The following GSK3B variants were observed in gnomAD, a reference collection of about 807,000 sequenced individuals.
The protein encoded by GSK3B is glycogen synthase kinase 3 beta, also known as glycogen synthase kinase-3 beta.
A neutral mutation model predicts 56.4 loss-of-function variants in GSK3B; 15 were observed. The observed-to-expected ratio is 0.27, with a 90% CI of 0.18 to 0.41. GSK3B has a LOEUF of 0.41. Ranked by LOEUF, GSK3B falls within the 10% of genes least tolerant of loss-of-function variation. GSK3B has a pLI of 1.00. For missense variants in GSK3B, 300 were observed against 513.4 expected, an observed-to-expected ratio of 0.58 and a Z score of 4.02; for synonymous variants, 181 against 188.9, an observed-to-expected ratio of 0.96 and a Z score of 0.34.
intron 10 of GSK3B, among the ~76,000 whole-genome samples, chr3:119,841,850 T>C (rs2055776390): frequency 6.6e-6 from 1 of 152,232 alleles, no homozygotes; most frequent in African/African-American, 2.4e-5. Flanking sequence ...TAGAATGAAA[T>C]GTTTTAAATC....
chr3:119,925,898 T>C (rs781417957), intron 3 of GSK3B, among the ~76,000 whole-genome samples: 2 of 152,164 alleles, frequency 1.3e-5, no homozygotes, highest in Non-Finnish European at 1.5e-5. Context: ...TTTTCAGTCA[T>C]CATGTTACCC....
At chr3:119,948,237 C>T (rs553115330) in intron 2 of GSK3B, among the ~76,000 whole-genome samples, 16 of 152,134 alleles carry the variant, frequency 1.1e-4, no homozygotes, top group African/African-American at 3.6e-4. Context: ...AAAGTATACA[C>T]CTGAGAATCT....
At chr3:119,878,980 C>A (rs548099295) in intron 7 of GSK3B, among the ~76,000 whole-genome samples, 1 of 152,142 alleles carries the variant, frequency 6.6e-6, no homozygotes, top group Non-Finnish European at 1.5e-5. Flanking sequence ...CTTGGTTTCA[C>A]GGGTGTAAGC....
At chr3:120,091,205 T>C (rs1051777104) in intron 1 of GSK3B, among the ~76,000 whole-genome samples, 4 of 152,212 alleles carry the variant, frequency 2.6e-5, no homozygotes, top group Non-Finnish European at 5.9e-5. Context: ...AAGGATAAGC[T>C]TTTGAGAGCA....
chr3:120,034,028 G>C (rs2058000784), intron 1 of GSK3B, among the ~76,000 whole-genome samples: 1 of 152,158 alleles, frequency 6.6e-6, no homozygotes, highest in Admixed American at 6.5e-5. Flanking sequence ...CCTTGTAGAA[G>C]TAGATATACA....
At chr3:119,910,466 C>T (rs2056724668) in intron 6 of GSK3B, among the ~76,000 whole-genome samples, 1 of 151,770 alleles carries the variant, frequency 6.6e-6, no homozygotes, top group Admixed American at 6.5e-5. Context: ...AACTTAAACA[C>T]ACTTTATTAC....
intron 2 of GSK3B, among the ~76,000 whole-genome samples, chr3:119,967,767 TTTTCTTTCTC>T (rs1002405897): frequency 6.8e-6 from 1 of 147,520 alleles, no homozygotes; most frequent in African/African-American, 2.5e-5. Flanking sequence ...CCTCCTTTTC[TTTTCTTTCTC>T]TTTCTTTTCT....
At position 119,823,881 on chromosome 3, in the gene GSK3B, G is replaced by A. The variant is rs114395791; in HGVS notation, c.*2907C>T. 667 of 198,214 alleles carry A rather than the reference G, an allele frequency of 3.4e-3. 1 individual carries two copies. Among genetic ancestry groups the A allele is most frequent in the African/African-American group, 0.014 (627 of 43,290 alleles). The allele number at this position is 198,214 out of a possible 1,614,324, so 12.3% of individuals were successfully genotyped here. ...GAAAGGGGGTGGACAGGGAGACATG[G>A]ATAAAGGAAACCAATTAAAATTTAA... is the stretch of plus-strand genomic sequence containing the variant. On this transcript the variant is annotated 3_prime_UTR_variant, in exon 11 of 11. Transcript: ENST00000264235.
At chr3:119,869,878 C>A (rs115989599) in intron 8 of GSK3B, among the ~76,000 whole-genome samples, 56 of 152,306 alleles carry the variant, frequency 3.7e-4, no homozygotes, top group African/African-American at 1.3e-3. Flanking sequence ...TAATTTCTCT[C>A]CCTCACATCA....
At chr3:120,057,288 T>TAG (rs2058199224) in intron 1 of GSK3B, among the ~76,000 whole-genome samples, 2 of 152,208 alleles carry the variant, frequency 1.3e-5, no homozygotes, top group Non-Finnish European at 2.9e-5. Context: ...GGTCGCCAGA[T>TAG]AAATTCTAGG....
intron 1 of GSK3B, among the ~76,000 whole-genome samples, chr3:120,020,359 A>G (rs1057295202): frequency 3.3e-5 from 5 of 152,246 alleles, no homozygotes; most frequent in African/African-American, 1.2e-4. Context: ...CACTTTGCAG[A>G]AATTATGTTT....
rs141418529 is a variant in GSK3B at position 119,829,179 on chromosome 3, A to G, written c.1196-2324T>C. On this transcript the variant is annotated intron_variant, in intron 10 of 10. Transcript: ENST00000264235. ...TCTGTGCATCAATAACCTAACATCA[A>G]TTCCTGTCTAGACCACAGATTCCTC... Among the ~76,000 whole-genome samples the G allele has an allele frequency of 7.7e-3, 1,167 of 152,284 alleles. 14 individuals carry two copies. The highest frequency in any genetic ancestry group is 0.026 in the African/African-American group (1,094 of 41,552).
chr3:119,940,106 GTGTT>G (rs1396607394), intron 3 of GSK3B, among the ~76,000 whole-genome samples: 23 of 131,628 alleles, frequency 1.7e-4, no homozygotes, highest in South Asian at 4.9e-4. Flanking sequence ...GTGTGTGTGT[GTGTT>G]TGTGTGTGTG....
intron 5 of GSK3B, 113 bp from the exon 6 acceptor site, chr3:119,912,923 T>C: frequency 2.1e-6 from 1 of 476,314 alleles, no homozygotes; most frequent in Non-Finnish European, 3.8e-6. Context: ...TTCACATCAT[T>C]TGAATCATAT....
chr3:119,854,111 G>A (rs954532982), intron 9 of GSK3B, among the ~76,000 whole-genome samples: 1 of 152,158 alleles, frequency 6.6e-6, no homozygotes, highest in Non-Finnish European at 1.5e-5. Context: ...CTAGTTTATT[G>A]AGAGTTTTTA....
chr3:120,033,768 C>G (rs112814507), intron 1 of GSK3B, among the ~76,000 whole-genome samples: 3,932 of 152,102 alleles, frequency 0.026, 174 homozygotes, highest in African/African-American at 0.089. Flanking sequence ...TGTGGCACTT[C>G]CCCCTTTGCT....
chr3:119,935,930 G>A (rs76571337), intron 3 of GSK3B, among the ~76,000 whole-genome samples: 3,926 of 152,152 alleles, frequency 0.026, 171 homozygotes, highest in African/African-American at 0.088. Context: ...GAAATGTAAG[G>A]TAGGTTTAAC....
intron 1 of GSK3B, among the ~76,000 whole-genome samples, chr3:120,012,381 T>C (rs1308735303): frequency 4.6e-5 from 7 of 152,182 alleles, no homozygotes; most frequent in African/African-American, 1.7e-4. Context: ...GAAACAGTAA[T>C]TTCCAAACTA....
intron 1 of GSK3B, among the ~76,000 whole-genome samples, chr3:120,067,974 ATTCT>A (rs1339528850): frequency 3.3e-5 from 5 of 152,236 alleles, no homozygotes; most frequent in African/African-American, 9.6e-5. Context: ...ATGTTACAGA[ATTCT>A]TTAATTTTTA....
Sources: gnomAD v4.1 joint callset for allele counts (sites outside exome capture counted in the v4.1 genomes callset) on GRCh38, gnomAD v4.1.1 for gene constraint, MANE v1.5 for transcripts, NCBI Gene and HGNC (gene_info 2026-07-23, HGNC 2026-07-21) for gene names.